The following OTUB2 variants were observed in gnomAD, a reference collection of about 807,000 sequenced individuals.
OTUB2 encodes the protein OTU deubiquitinase, ubiquitin aldehyde binding 2.
Under a neutral mutation model 25.1 loss-of-function variants are expected in OTUB2, and 21 were observed. That is an observed-to-expected ratio of 0.84 (90% CI 0.59 to 1.21). OTUB2 has a LOEUF of 1.21. Among genes scored for constraint, OTUB2 ranks in the 50% most tolerant of loss-of-function variants. The pLI is 0.00. For synonymous variants in OTUB2, 122 were observed against 122.8 expected, an observed-to-expected ratio of 0.99 and a Z score of 0.04; for missense variants, 283 against 298.0, an observed-to-expected ratio of 0.95 and a Z score of 0.37.
At chr14:94,031,402 T>C (rs939388035) in intron 1 of OTUB2, among the ~76,000 whole-genome samples, 1 of 151,834 alleles carries the variant, frequency 6.6e-6, no homozygotes, top group Non-Finnish European at 1.5e-5. Flanking sequence ...AGTCCTTAGG[T>C]AATGTGGGCA....
chr14:94,033,195 C>T (rs1884993177), intron 1 of OTUB2, among the ~76,000 whole-genome samples: 2 of 152,160 alleles, frequency 1.3e-5, no homozygotes, highest in South Asian at 4.2e-4. Context: ...CAGAGGTGAG[C>T]CACCGAGCCC....
chr14:94,030,891 C>G (rs1173856867), intron 1 of OTUB2, among the ~76,000 whole-genome samples: 1 of 152,136 alleles, frequency 6.6e-6, no homozygotes, highest in Non-Finnish European at 1.5e-5. Flanking sequence ...ATAGATTCTC[C>G]TCTAGAGCCC....
intron 1 of OTUB2, among the ~76,000 whole-genome samples, chr14:94,029,417 G>A (rs1201344337): frequency 3.3e-5 from 5 of 152,190 alleles, no homozygotes; most frequent in Admixed American, 3.3e-4. Context: ...AAGGCGCTAG[G>A]GAAGGTTCTG....
At chr14:94,039,735 G>A (rs1181701181) in intron 3 of OTUB2, among the ~76,000 whole-genome samples, 4 of 152,314 alleles carry the variant, frequency 2.6e-5, no homozygotes, top group Middle Eastern at 3.4e-3. Flanking sequence ...TGCTGATGCT[G>A]CTGGGCCTCA....
intron 1 of OTUB2, among the ~76,000 whole-genome samples, chr14:94,036,228 G>T (rs985006831): frequency 6.6e-6 from 1 of 152,164 alleles, no homozygotes; most frequent in African/African-American, 2.4e-5. Context: ...ACTGTGGCCG[G>T]TGTGACATGA....
At chr14:94,035,321 G>A (rs370713902) in intron 1 of OTUB2, among the ~76,000 whole-genome samples, 3 of 117,446 alleles carry the variant, frequency 2.6e-5, no homozygotes, top group African/African-American at 1.0e-4. Flanking sequence ...ACAGAGTCTC[G>A]CTCTGTCACC....
At chr14:94,030,824 G>A (rs1202567007) in intron 1 of OTUB2, among the ~76,000 whole-genome samples, 2 of 146,230 alleles carry the variant, frequency 1.4e-5, no homozygotes, top group African/African-American at 5.2e-5. Context: ...TGGGGAGGGT[G>A]GGGGCCGGTG....
In OTUB2 at chr14:94,044,043, C is replaced by T. The variant is rs376199385; in HGVS notation, c.291C>T (p.Asn97=). 5.0e-6 allele frequency: 8 copies of T among 1,614,052 alleles called. No homozygotes were observed. In the African/African-American group the frequency reaches 8.0e-5, roughly 16 times the overall value. The change falls in exon 4 of 6, where the codon AAC becomes AAT. Residue 97 remains asparagine, a synonymous_variant. Transcript: ENST00000203664. ...GCTTTGAGGAGCACAAGTTCAGAAA[C>T]TTCTTCAATGCTGTGAGTTCACCTG... is the stretch of plus-strand genomic sequence containing the variant. ...AAGFEEHKFR[N]FFNAFYSVVE...
In OTUB2 at chr14:94,044,789, TTGGGGTCTCAGCCCCAGCCC is replaced by T. The variant is rs1336094976; in HGVS notation, c.498+14_498+33del. On this transcript the variant is annotated intron_variant, in intron 5 of 5. Transcript: ENST00000203664. ...AAGACTTCTGCACTCACGTAGGTGC[TTGGGGTCTCAGCCCCAGCCC>T]TGGGCTCTGCTCCTGTGGCCCTGTC... is the stretch of plus-strand genomic sequence containing the variant. 1.2e-6 allele frequency: 2 copies of T among 1,606,132 alleles called. No homozygotes were observed.
At chr14:94,038,937 C>G (rs2295216) in intron 2 of OTUB2, 26 bp from the exon 3 acceptor site, 358,281 of 1,603,238 alleles carry the variant, frequency 0.22, 42,152 homozygotes, top group East Asian at 0.41. Flanking sequence ...GGTGCAAATG[C>G]CCACATTTCT....
rs551623969 is a variant in OTUB2, at chr14:94,032,862, C to G, written c.4-4518C>G. 4.7e-3 allele frequency among the ~76,000 whole-genome samples: 712 copies of G among 152,292 alleles called. 3 individuals carry two copies. The highest frequency in any genetic ancestry group is 0.01 in the Middle Eastern group (3 of 294). On this transcript the variant is annotated intron_variant, in intron 1 of 5. Transcript: ENST00000203664. Reference sequence around the variant, plus strand: ...CTGAGGCTGATGCCCACAGTGTGTCCTGAAGGTGTGGTGAGCTCAGCTCTT... The same window carrying G: ...CTGAGGCTGATGCCCACAGTGTGTCGTGAAGGTGTGGTGAGCTCAGCTCTT...
intron 2 of OTUB2, among the ~76,000 whole-genome samples, 190 bp downstream of exon 2, chr14:94,037,665 AT>A (rs34432698): frequency 0.23 from 34,408 of 150,180 alleles, 4,007 homozygotes; most frequent in East Asian, 0.36. Flanking sequence ...AAAAAAAAGG[AT>A]TTTTTTTTGT....
At position 94,034,146 on chromosome 14, in the gene OTUB2, A is replaced by C. The variant is rs118065970; in HGVS notation, c.4-3234A>C. On this transcript the variant is annotated intron_variant, in intron 1 of 5. Coordinates refer to ENST00000203664, the MANE Select transcript of OTUB2 (RefSeq NM_023112.4). ...TTGATGCGATCAGAAGGCTTGAAGG[A>C]AGTGGAACGGCAAATCACTTTCCTT... Among the ~76,000 whole-genome samples, 140 of 152,348 alleles carry C rather than the reference A, an allele frequency of 9.2e-4. No homozygotes were observed. In the East Asian group the frequency reaches 0.025, roughly 27 times the overall value.
rs1052842877 is a variant in OTUB2, at chr14:94,048,638, G to C, written c.*2716G>C. ...ACTCATCGTATGGGCTCTGCAAAGGGATATTCCCCAACCTGTCCTTCCTGA... is the reference window on the plus strand; with the variant it reads ...ACTCATCGTATGGGCTCTGCAAAGGCATATTCCCCAACCTGTCCTTCCTGA... On this transcript the variant is annotated 3_prime_UTR_variant, in exon 6 of 6. Coordinates refer to ENST00000203664, the MANE Select transcript of OTUB2 (RefSeq NM_023112.4). The C allele has an allele frequency of 5.3e-5, 8 of 152,222 alleles. No individual in the cohort carries two copies. Among genetic ancestry groups the C allele is most frequent in the Non-Finnish European group, 8.8e-5 (6 of 68,056 alleles). 9.4% of individuals were successfully genotyped at this position (152,222 alleles called of 1,614,324 possible).
chr14:94,046,186 G>C lies in OTUB2; in HGVS notation c.*264G>C, dbSNP rs1885272277. On this transcript the variant is annotated 3_prime_UTR_variant, in exon 6 of 6. Coordinates refer to ENST00000203664, the MANE Select transcript of OTUB2 (RefSeq NM_023112.4). ...CCAGTTCGCAGTGAGGCCCTGGGTG[G>C]GTCACCTGCCCTCTCTGGACTTGTT... The C allele has an allele frequency of 1.8e-6, 1 of 559,264 alleles. No individual in the cohort carries two copies. The highest frequency in any genetic ancestry group is 3.1e-5 in the Admixed American group (1 of 32,600). 34.6% of individuals were successfully genotyped at this position (559,264 alleles called of 1,614,324 possible).
At chr14:94,027,890 C>T (rs1399761251) in intron 1 of OTUB2, among the ~76,000 whole-genome samples, 1 of 152,230 alleles carries the variant, frequency 6.6e-6, no homozygotes, top group African/African-American at 2.4e-5. Flanking sequence ...CCTGGTTGAG[C>T]TGCTCCTGGA....
intron 1 of OTUB2, among the ~76,000 whole-genome samples, chr14:94,031,917 C>T (rs987438137): frequency 6.6e-6 from 1 of 152,170 alleles, no homozygotes; most frequent in Non-Finnish European, 1.5e-5. Flanking sequence ...GTCCTTTCTC[C>T]ATAACATCCT....
chr14:94,038,769 G>A (rs569353587), intron 2 of OTUB2, among the ~76,000 whole-genome samples, 194 bp from the exon 3 acceptor site: 2 of 152,288 alleles, frequency 1.3e-5, no homozygotes, highest in African/African-American at 2.4e-5. Context: ...GGGCAGGGAC[G>A]GACACACAGG....
intron 1 of OTUB2, 61 bp downstream of exon 1, chr14:94,026,601 CTG>C: frequency 8.4e-7 from 1 of 1,196,246 alleles, no homozygotes; most frequent in Non-Finnish European, 1.0e-6. Context: ...GGCGGGGTCG[CTG>C]CCGGAGCGGG....
Sources: allele counts gnomAD v4.1 joint callset (sites outside exome capture counted in the v4.1 genomes callset), GRCh38; gene constraint gnomAD v4.1.1; transcripts MANE v1.5; gene names NCBI Gene and HGNC (gene_info 2026-07-23, HGNC 2026-07-21).